Variants in EYS observed in about 807,000 individuals in gnomAD.
EYS encodes EGF-like photoreceptor maintenance factor.
A neutral mutation model predicts 282.1 loss-of-function variants in EYS; 250 were observed. The observed-to-expected ratio is 0.89, with a 90% CI of 0.80 to 0.98. The LOEUF (loss-of-function observed/expected upper bound fraction) is 0.98. EYS is among the 50% of genes least tolerant of loss of function. EYS has a pLI of 0.00. For missense variants in EYS, 4,016 were observed against 3,709.0 expected (o/e 1.08, Z -2.15); for synonymous variants, 1,355 against 1,282.9 (o/e 1.06, Z -1.20).
intron 40 of EYS, among the ~76,000 whole-genome samples, chr6:63,769,512 G>T (rs1198918371): frequency 2.6e-5 from 4 of 152,036 alleles, no homozygotes; most frequent in African/African-American, 7.2e-5. Context: ...ATCCTTAATT[G>T]TCAGTACAAG....
chr6:64,045,056 C>A (rs1052139577), intron 33 of EYS, among the ~76,000 whole-genome samples: 2 of 152,044 alleles, frequency 1.3e-5, no homozygotes, highest in Admixed American at 6.6e-5. Flanking sequence ...AGTAAGATGG[C>A]CCTTACTCAG....
chr6:63,980,826 A>G (rs1200928340), intron 35 of EYS, among the ~76,000 whole-genome samples: 1 of 151,896 alleles, frequency 6.6e-6, no homozygotes, highest in Admixed American at 6.6e-5. Context: ...AAGGACTGGA[A>G]GAGAGTAGAA....
intron 35 of EYS, among the ~76,000 whole-genome samples, chr6:63,924,548 G>A (rs1466852798): frequency 6.6e-6 from 1 of 152,186 alleles, no homozygotes; most frequent in Non-Finnish European, 1.5e-5. Flanking sequence ...TAATGGTGAG[G>A]CTGCAACTGA....
intron 31 of EYS, among the ~76,000 whole-genome samples, chr6:64,137,450 A>G (rs1774199473): frequency 6.6e-6 from 1 of 152,148 alleles, no homozygotes. Flanking sequence ...AGCTTTCAAC[A>G]TGCCTTCCTC....
chr6:64,120,086 A>G (rs991495901), intron 31 of EYS, among the ~76,000 whole-genome samples: 2 of 151,798 alleles, frequency 1.3e-5, no homozygotes, highest in Non-Finnish European at 2.9e-5. Context: ...GGTGGCTTAC[A>G]CCTGTAATCC....
intron 18 of EYS, among the ~76,000 whole-genome samples, chr6:64,894,350 G>A (rs778526332): frequency 9.2e-5 from 14 of 152,120 alleles, no homozygotes; most frequent in Non-Finnish European, 1.6e-4. Flanking sequence ...TGCAAAATGA[G>A]CAAATAAACA....
chr6:64,404,383 G>A (rs537115421), intron 28 of EYS, among the ~76,000 whole-genome samples: 2 of 41,406 alleles, frequency 4.8e-5, no homozygotes, highest in Admixed American at 2.0e-4. Context: ...GTGTGAGAGT[G>A]TGTGTGTGTG....
chr6:64,097,617 G>A (rs1772674656), intron 31 of EYS, among the ~76,000 whole-genome samples: 1 of 152,192 alleles, frequency 6.6e-6, no homozygotes. Flanking sequence ...CAGTATTAGG[G>A]TGGGAGTGAC....
intron 26 of EYS, among the ~76,000 whole-genome samples, chr6:64,549,836 T>A (rs1765011271): frequency 6.6e-6 from 1 of 151,882 alleles, no homozygotes. Flanking sequence ...GCTGCACCCA[T>A]TAACTCGTCA....
At chr6:65,378,388 A>G (rs75507472) in intron 8 of EYS, among the ~76,000 whole-genome samples, 3 of 152,124 alleles carry the variant, frequency 2.0e-5, no homozygotes, top group African/African-American at 7.2e-5. Flanking sequence ...GAATCAACAG[A>G]TGCTGGAGAG....
intron 31 of EYS, among the ~76,000 whole-genome samples, chr6:64,136,779 C>G (rs116692116): frequency 0.019 from 2,936 of 152,046 alleles, 78 homozygotes; most frequent in African/African-American, 0.066. Context: ...AGGCTTTGTT[C>G]TTCCATTTCT....
intron 22 of EYS, among the ~76,000 whole-genome samples, chr6:64,629,673 C>T (rs1353352166): frequency 6.6e-6 from 1 of 151,910 alleles, no homozygotes; most frequent in South Asian, 2.1e-4. Flanking sequence ...TTCTTCTTTC[C>T]GATATTCCAG....
chr6:65,160,381 C>G (rs1364666001), intron 12 of EYS, among the ~76,000 whole-genome samples: 1 of 150,818 alleles, frequency 6.6e-6, no homozygotes, highest in African/African-American at 2.4e-5. Flanking sequence ...TTCATGAAAC[C>G]TTTAATGTAA....
chr6:65,069,379 T>C (rs1242776874), intron 12 of EYS, among the ~76,000 whole-genome samples: 1 of 151,990 alleles, frequency 6.6e-6, no homozygotes, highest in Non-Finnish European at 1.5e-5. Context: ...TCAACTCAAT[T>C]TCAGTCACAG....
intron 5 of EYS, among the ~76,000 whole-genome samples, chr6:65,407,935 T>C (rs544259992): frequency 1.3e-5 from 2 of 152,248 alleles, no homozygotes; most frequent in South Asian, 4.1e-4. Context: ...TTGTCATAGA[T>C]GCTTTTTATC....
At chr6:64,698,394 TTAAAAA>T (rs1554194342) in intron 22 of EYS, among the ~76,000 whole-genome samples, 1 of 151,858 alleles carries the variant, frequency 6.6e-6, no homozygotes, top group Non-Finnish European at 1.5e-5. Flanking sequence ...AAATTGGTTG[TTAAAAA>T]TAAACAAAAT....
chr6:63,819,338 G>A (rs1204201893), intron 36 of EYS, among the ~76,000 whole-genome samples: 1 of 152,232 alleles, frequency 6.6e-6, no homozygotes, highest in African/African-American at 2.4e-5. Flanking sequence ...CTATGGCTAT[G>A]TCTCTTGAGA....
intron 12 of EYS, among the ~76,000 whole-genome samples, chr6:65,116,492 C>T (rs982178486): frequency 1.6e-4 from 24 of 151,842 alleles, no homozygotes; most frequent in African/African-American, 5.6e-4. Context: ...CTGTGGGAAG[C>T]CTGTACAGAA....
intron 19 of EYS, among the ~76,000 whole-genome samples, chr6:64,866,612 A>AT (rs1766433225): frequency 1.3e-5 from 2 of 151,732 alleles, no homozygotes; most frequent in South Asian, 2.1e-4. Context: ...ACTGTTTTTT[A>AT]TTTTTTAGTT....
Sources: allele counts gnomAD v4.1 joint callset (sites outside exome capture counted in the v4.1 genomes callset), GRCh38; gene constraint gnomAD v4.1.1; transcripts MANE v1.5; gene names NCBI Gene and HGNC (gene_info 2026-07-23, HGNC 2026-07-21).